SYNPO2: variants seen among roughly 807,000 people sequenced by gnomAD.
SYNPO2 encodes the protein synaptopodin 2, also known as synaptopodin-2.
SYNPO2 carries 56 observed loss-of-function variants against 85.0 expected under a neutral mutation model. The observed-to-expected ratio is 0.66, with a 90% CI of 0.53 to 0.82. SYNPO2 has a LOEUF of 0.82. SYNPO2 is among the 40% of genes least tolerant of loss of function. SYNPO2 has a pLI of 0.00. For synonymous variants in SYNPO2, 602 were observed against 591.1 expected, an observed-to-expected ratio of 1.02 and a Z score of -0.27; for missense variants, 1,575 against 1,534.2, an observed-to-expected ratio of 1.03 and a Z score of -0.44.
chr4:119,030,966 C>T lies in SYNPO2; in HGVS notation c.2191C>T (p.Pro731Ser). 1.9e-6 allele frequency: 3 copies of T among 1,614,140 alleles called. No individual in the cohort carries two copies. Among genetic ancestry groups the T allele is most frequent in the Non-Finnish European group, 2.5e-6 (3 of 1,180,016 alleles). The change falls in exon 4 of 5, where the codon CCG (proline) becomes TCG (serine). Residue 731 changes from proline to serine, a missense_variant. By Grantham distance (74) the Pro-to-Ser change is moderately conservative. Transcript: ENST00000307142. The stretch of plus-strand genomic sequence containing the variant: ...CACTGGAGCTGGAGGTGATTCCGGA[C>T]CGGAAGAAGACTACCTCAGCTTGGG... Reference protein sequence around the residue: ...RGTGAGGDSGPEEDYLSLGAE... With the variant: ...RGTGAGGDSGSEEDYLSLGAE...
At chr4:118,899,120 T>G (rs945666395) in intron 1 of SYNPO2, among the ~76,000 whole-genome samples, 3 of 152,232 alleles carry the variant, frequency 2.0e-5, no homozygotes, top group African/African-American at 7.2e-5. Context: ...TTCACAAGTC[T>G]GTTTCCTCCA....
chr4:119,003,456 A>C (rs1030941536), intron 1 of SYNPO2, among the ~76,000 whole-genome samples: 2 of 152,150 alleles, frequency 1.3e-5, no homozygotes, highest in Non-Finnish European at 2.9e-5. Flanking sequence ...CTGCTATTCA[A>C]ACTTGTTAGG....
chr4:118,865,391 C>T (rs1435181398), intron 1 of SYNPO2, among the ~76,000 whole-genome samples: 2 of 151,996 alleles, frequency 1.3e-5, no homozygotes, highest in Non-Finnish European at 2.9e-5. Flanking sequence ...ACCATAAAGC[C>T]GAATATGGAA....
intron 1 of SYNPO2, among the ~76,000 whole-genome samples, chr4:119,011,176 A>G (rs1247178957): frequency 2.0e-5 from 3 of 152,218 alleles, no homozygotes; most frequent in Non-Finnish European, 2.9e-5. Context: ...GCCACAGCCC[A>G]GTTCAGCTCA....
At chr4:118,917,284 T>C (rs993403780) in intron 1 of SYNPO2, among the ~76,000 whole-genome samples, 1 of 152,074 alleles carries the variant, frequency 6.6e-6, no homozygotes, top group Non-Finnish European at 1.5e-5. Context: ...TCCCAGCTAC[T>C]TGGGAGGCTG....
Position 119,031,696 on chromosome 4 carries a change from C to T in SYNPO2, c.2921C>T (p.Ala974Val). The T allele has an allele frequency of 6.2e-7, 1 of 1,614,224 alleles. No homozygotes were observed. Among genetic ancestry groups the T allele is most frequent in the South Asian group, 1.1e-5 (1 of 91,090 alleles). ...AAGCACCAACCGTATCAGCTCAATG[C>T]ATCCTTGTTTACTTTCCAACCTCCA... is the stretch of plus-strand genomic sequence containing the variant. Reference protein sequence around the residue: ...VMKHQPYQLNASLFTFQPPDA... With the variant: ...VMKHQPYQLNVSLFTFQPPDA... The change falls in exon 4 of 5, where the codon GCA becomes GTA. Residue 974 changes from alanine (A) to valine (V), a missense_variant. By Grantham distance (64) the Ala-to-Val change is moderately conservative. This residue lies in a region of SYNPO2 where 1,508 missense variants were observed against 1,446.8 expected (regional missense o/e 1.04). Coordinates refer to ENST00000307142, the MANE Select transcript of SYNPO2 (RefSeq NM_133477.3).
chr4:119,031,081 C>T lies in SYNPO2; in HGVS notation c.2306C>T (p.Ser769Phe). Residue 769 changes from serine to phenylalanine, a missense_variant, in exon 4 of 5, where the codon TCC becomes TTC. Coordinates refer to ENST00000307142, the MANE Select transcript of SYNPO2 (RefSeq NM_133477.3). ...VAPKPAVKSS[S>F]SQPVTPVSPV... ...CCAAAACCTGCAGTCAAGTCCTCAT[C>T]CTCCCAACCAGTAACTCCAGTTTCC... 6.2e-7 allele frequency: 1 copy of T among 1,614,112 alleles called. No individual in the cohort carries two copies. Among genetic ancestry groups the T allele is most frequent in the Non-Finnish European group, 8.5e-7 (1 of 1,180,014 alleles).
At position 119,027,200 on chromosome 4, in the gene SYNPO2, A is replaced by G. The variant is rs990340340; in HGVS notation, c.831A>G (p.Gly277=). Reference sequence around the variant, plus strand: ...GAGTGATCCAGGAAAGTGAAGCAGGAGATGCGGGACTGCCCCGGGTGGAAG... The same window carrying G: ...GAGTGATCCAGGAAAGTGAAGCAGGGGATGCGGGACTGCCCCGGGTGGAAG... ...ELRVIQESEA[G]DAGLPRVEVI... is the part of the protein sequence containing the mutation. Residue 277 remains glycine, a synonymous_variant, in exon 3 of 5, where the codon GGA becomes GGG. Coordinates refer to ENST00000307142, the MANE Select transcript of SYNPO2 (RefSeq NM_133477.3). The G allele has an allele frequency of 1.9e-6, 3 of 1,614,052 alleles. No homozygotes were observed. The highest frequency in any genetic ancestry group is 2.2e-5 in the East Asian group (1 of 44,880).
intron 1 of SYNPO2, among the ~76,000 whole-genome samples, chr4:118,862,358 C>G (rs571390891): frequency 6.6e-6 from 1 of 152,194 alleles, no homozygotes; most frequent in Admixed American, 6.5e-5. Flanking sequence ...ACTTCCAGTA[C>G]TATGTTGAAT....
intron 1 of SYNPO2, among the ~76,000 whole-genome samples, chr4:118,944,419 A>T (rs937309725): frequency 1.3e-5 from 2 of 152,156 alleles, no homozygotes; most frequent in Non-Finnish European, 2.9e-5. Flanking sequence ...TATCTACAGT[A>T]AAAATAAAGC....
At chr4:118,989,074 A>C (rs141135949) in intron 1 of SYNPO2, among the ~76,000 whole-genome samples, 434 of 152,334 alleles carry the variant, frequency 2.8e-3, no homozygotes, top group Non-Finnish European at 4.1e-3. Flanking sequence ...TTGGAAATTG[A>C]ATTTAAAGGC....
At chr4:118,953,703 A>C (rs1398645141) in intron 1 of SYNPO2, among the ~76,000 whole-genome samples, 1 of 152,084 alleles carries the variant, frequency 6.6e-6, no homozygotes, top group African/African-American at 2.4e-5. Flanking sequence ...CATAATTTGC[A>C]TGTATAACTG....
chr4:118,857,837 A>G (rs779424041), intron 1 of SYNPO2, among the ~76,000 whole-genome samples: 8 of 152,206 alleles, frequency 5.3e-5, no homozygotes, highest in Non-Finnish European at 1.0e-4. Flanking sequence ...AAGGAAAGTG[A>G]ATGGCTTTTT....
intron 4 of SYNPO2, chr4:119,033,466 T>G: frequency 3.0e-6 from 3 of 985,426 alleles, no homozygotes; most frequent in Non-Finnish European, 3.6e-6. Flanking sequence ...CTCAGATCTA[T>G]TTTAAGTCTG....
intron 1 of SYNPO2, among the ~76,000 whole-genome samples, chr4:119,012,642 T>C (rs1737366184): frequency 1.3e-5 from 2 of 152,152 alleles, no homozygotes; most frequent in Admixed American, 1.3e-4. Context: ...AGTGAGAACA[T>C]GTGGTTTTGG....
At chr4:119,037,153 G>A in intron 4 of SYNPO2, 5 of 1,546,276 alleles carry the variant, frequency 3.2e-6, no homozygotes, top group Non-Finnish European at 4.4e-6. Flanking sequence ...ATATCATAAG[G>A]ACCTACTTCC....
At chr4:118,941,217 C>G (rs1734304047) in intron 1 of SYNPO2, among the ~76,000 whole-genome samples, 1 of 152,166 alleles carries the variant, frequency 6.6e-6, no homozygotes, top group Non-Finnish European at 1.5e-5. Context: ...ACCTTGACTT[C>G]TTCCTTTCTC....
At chr4:118,957,227 G>A (rs550807519) in intron 1 of SYNPO2, among the ~76,000 whole-genome samples, 4 of 152,184 alleles carry the variant, frequency 2.6e-5, no homozygotes, top group Admixed American at 1.3e-4. Flanking sequence ...CCCAAGGGAT[G>A]TTCTCTGTGA....
rs577837798 is a variant in SYNPO2 at position 119,052,798 on chromosome 4, G to T, written c.3253-4603G>T. Among the ~76,000 whole-genome samples the T allele has an allele frequency of 5.9e-5, 9 of 152,264 alleles. No homozygotes were observed. The South Asian group carries it at 1.9e-3, about 32-fold the overall frequency. ...GTTTGAGTAACTTAAGGTAACCATT[G>T]AACTCTTCCTAAAAGTAAGCAAAAT... On this transcript the variant is annotated intron_variant, in intron 4 of 4. Transcript: ENST00000307142.
Sources: allele counts gnomAD v4.1 joint callset (sites outside exome capture counted in the v4.1 genomes callset), GRCh38; gene constraint gnomAD v4.1.1; regional missense constraint gnomAD v4.1.1; transcripts MANE v1.5; gene names NCBI Gene and HGNC (gene_info 2026-07-23, HGNC 2026-07-21).